ZNF804B: variants seen among roughly 807,000 people sequenced by gnomAD.
The protein encoded by ZNF804B is zinc finger protein 804B, also known as zinc finger 804B.
A neutral mutation model predicts 101.4 loss-of-function variants in ZNF804B; 80 were observed. The ratio of observed to expected loss-of-function variants is 0.79; its 90% confidence interval spans 0.66 to 0.95. The LOEUF (loss-of-function observed/expected upper bound fraction) is 0.95. Ranked by LOEUF, ZNF804B falls within the 40% of genes least tolerant of loss-of-function variation. The pLI, the probability that ZNF804B is intolerant of heterozygous loss-of-function variation, is 0.00. For synonymous variants in ZNF804B, 622 were observed against 558.8 expected, an observed-to-expected ratio of 1.11 and a Z score of -1.59; for missense variants, 1,673 against 1,561.9, an observed-to-expected ratio of 1.07 and a Z score of -1.20.
At chr7:89,318,656 G>A (rs1218410773) in intron 2 of ZNF804B, among the ~76,000 whole-genome samples, 1 of 152,140 alleles carries the variant, frequency 6.6e-6, no homozygotes, top group Non-Finnish European at 1.5e-5. Context: ...CCAGCTACCT[G>A]GGAGACTGAG....
At chr7:89,126,394 G>A (rs1407807750) in intron 1 of ZNF804B, among the ~76,000 whole-genome samples, 1 of 151,892 alleles carries the variant, frequency 6.6e-6, no homozygotes, top group Non-Finnish European at 1.5e-5. Context: ...GGGAAGTGAA[G>A]CTAACAATAT....
intron 1 of ZNF804B, among the ~76,000 whole-genome samples, chr7:89,031,895 A>G (rs1788841329): frequency 6.6e-6 from 1 of 152,158 alleles, no homozygotes; most frequent in Non-Finnish European, 1.5e-5. Context: ...AGATTCATAA[A>G]GCAAATGGAA....
intron 3 of ZNF804B, among the ~76,000 whole-genome samples, chr7:89,330,149 G>A (rs1229015539): frequency 1.3e-5 from 2 of 151,590 alleles, no homozygotes; most frequent in African/African-American, 4.8e-5. Flanking sequence ...AGAAGTGAGG[G>A]AAATATTAAA....
At chr7:89,262,681 A>G (rs997712633) in intron 2 of ZNF804B, among the ~76,000 whole-genome samples, 1 of 152,098 alleles carries the variant, frequency 6.6e-6, no homozygotes, top group African/African-American at 2.4e-5. Flanking sequence ...GCTCCAGAAT[A>G]TTTGTGTGCC....
chr7:89,189,784 A>T (rs951000994), intron 1 of ZNF804B, among the ~76,000 whole-genome samples: 20 of 151,962 alleles, frequency 1.3e-4, no homozygotes, highest in Admixed American at 2.6e-4. Context: ...CCTCAGATAA[A>T]TTTTTTTCTT....
chr7:89,129,905 G>A lies in ZNF804B; in HGVS notation c.109-88250G>A, dbSNP rs1790522571. Among the ~76,000 whole-genome samples, 5 of 152,110 alleles carry A rather than the reference G, an allele frequency of 3.3e-5. No homozygotes were observed. The South Asian group carries it at 1.0e-3, about 32-fold the overall frequency. ...TGAAGACAAAAATATATATTTGGGTGAGTAAGAAGATTCTTAAGGCTAATG... is the reference window on the plus strand; with the variant it reads ...TGAAGACAAAAATATATATTTGGGTAAGTAAGAAGATTCTTAAGGCTAATG... On this transcript the variant is annotated intron_variant, in intron 1 of 3. Transcript: ENST00000333190.
intron 1 of ZNF804B, among the ~76,000 whole-genome samples, chr7:89,094,246 C>T (rs1020563921): frequency 4.6e-5 from 7 of 152,168 alleles, no homozygotes; most frequent in Non-Finnish European, 1.0e-4. Context: ...ACCAATGTCA[C>T]GATGCCTGTA....
At chr7:89,320,441 C>G (rs1790802152) in intron 2 of ZNF804B, among the ~76,000 whole-genome samples, 1 of 152,000 alleles carries the variant, frequency 6.6e-6, no homozygotes, top group Non-Finnish European at 1.5e-5. Context: ...AATCAATGAA[C>G]TTGAATCCAT....
intron 1 of ZNF804B, among the ~76,000 whole-genome samples, chr7:89,052,573 A>G (rs6465179): frequency 0.77 from 116,465 of 152,012 alleles, 44,686 homozygotes; most frequent in African/African-American, 0.79. Flanking sequence ...TATTTATTTG[A>G]GGTCATTTTC....
chr7:88,924,747 T>A (rs534342772), intron 1 of ZNF804B, among the ~76,000 whole-genome samples: 1 of 152,298 alleles, frequency 6.6e-6, no homozygotes, highest in South Asian at 2.1e-4. Flanking sequence ...GTAGTATTTC[T>A]CATTACTGTG....
chr7:89,280,088 C>G (rs541667900), intron 2 of ZNF804B, among the ~76,000 whole-genome samples: 19 of 152,140 alleles, frequency 1.2e-4, no homozygotes, highest in African/African-American at 4.6e-4. Context: ...CAAACTAGAA[C>G]TCGGGATTAA....
At chr7:88,914,709 A>G (rs17165311) in intron 1 of ZNF804B, among the ~76,000 whole-genome samples, 28,510 of 152,188 alleles carry the variant, frequency 0.19, 2,878 homozygotes, top group African/African-American at 0.28. Flanking sequence ...AAAAAAATGG[A>G]AACAGTACAT....
chr7:89,057,510 T>TA (rs5885652), intron 1 of ZNF804B, among the ~76,000 whole-genome samples: 121,711 of 151,888 alleles, frequency 0.8, 49,185 homozygotes, highest in African/African-American at 0.91. Flanking sequence ...TTCATTTATT[T>TA]AAAAACTCAT....
At chr7:88,769,177 T>C (rs1790027916) in intron 1 of ZNF804B, among the ~76,000 whole-genome samples, 1 of 152,312 alleles carries the variant, frequency 6.6e-6, no homozygotes, top group Middle Eastern at 3.4e-3. Context: ...ATGATTTCAA[T>C]AGAAAATAAA....
At chr7:89,158,713 C>T (rs917704269) in intron 1 of ZNF804B, among the ~76,000 whole-genome samples, 2 of 152,132 alleles carry the variant, frequency 1.3e-5, no homozygotes, top group Non-Finnish European at 2.9e-5. Context: ...GCATCTCCTG[C>T]ACTTCTTACT....
At chr7:89,192,714 A>G (rs550250106) in intron 1 of ZNF804B, among the ~76,000 whole-genome samples, 3 of 152,046 alleles carry the variant, frequency 2.0e-5, no homozygotes, top group Non-Finnish European at 4.4e-5. Flanking sequence ...GAAAACTTCA[A>G]GCCAGTGTCC....
intron 1 of ZNF804B, among the ~76,000 whole-genome samples, chr7:89,128,289 C>T (rs1308475669): frequency 6.6e-6 from 1 of 151,758 alleles, no homozygotes; most frequent in African/African-American, 2.4e-5. Context: ...ATACTTATTG[C>T]TGGATCTTCA....
At chr7:89,328,483 A>G (rs999749857) in intron 3 of ZNF804B, among the ~76,000 whole-genome samples, 1 of 151,924 alleles carries the variant, frequency 6.6e-6, no homozygotes, top group African/African-American at 2.4e-5. Context: ...TAAGGTTAAT[A>G]CAAAAATGCA....
intron 1 of ZNF804B, among the ~76,000 whole-genome samples, chr7:89,024,234 C>T (rs1284723004): frequency 6.6e-6 from 1 of 152,128 alleles, no homozygotes; most frequent in Non-Finnish European, 1.5e-5. Flanking sequence ...CCACTCTGTA[C>T]TTTCCTTTGC....
Sources: allele counts gnomAD v4.1 joint callset (sites outside exome capture counted in the v4.1 genomes callset), GRCh38; gene constraint gnomAD v4.1.1; transcripts MANE v1.5; gene names NCBI Gene and HGNC (gene_info 2026-07-23, HGNC 2026-07-21).